The following REPS1 variants were observed in gnomAD, a reference collection of about 807,000 sequenced individuals.
REPS1 encodes the protein ralBP1-associated Eps domain-containing protein 1.
REPS1 carries 39 observed loss-of-function variants against 100.9 expected under a neutral mutation model. That is an observed-to-expected ratio of 0.39 (90% CI 0.30 to 0.50). The LOEUF is 0.50. Among genes scored for constraint, REPS1 ranks in the 20% least tolerant of loss-of-function variants. The probability of loss-of-function intolerance (pLI) is 0.86; values close to 1 mark genes in which losing one functional copy is unlikely to be tolerated. For missense variants in REPS1, 821 were observed against 968.5 expected (o/e 0.85, Z 2.02); for synonymous variants, 324 against 340.3 (o/e 0.95, Z 0.53).
In REPS1 at chr6:138,963,135, A is replaced by C. The variant is rs9389637; in HGVS notation, c.154-15222T>G. ...AATAACTAACTAACTAACTAACTAA[A>C]TAAATAAATAAATAATAAAATTACA... On this transcript the variant is annotated intron_variant, in intron 1 of 19. Transcript: ENST00000450536. Among the ~76,000 whole-genome samples, 395 of 45,204 alleles carry C rather than the reference A, an allele frequency of 8.7e-3. 1 individual carries two copies. The highest frequency in any genetic ancestry group is 0.023 in the Admixed American group (115 of 5,076). 29.7% of individuals were successfully genotyped at this position (45,204 alleles called of 152,430 possible).
At chr6:138,964,419 A>C (rs1042638548) in intron 1 of REPS1, among the ~76,000 whole-genome samples, 4 of 152,160 alleles carry the variant, frequency 2.6e-5, no homozygotes, top group Non-Finnish European at 4.4e-5. Context: ...AGAAATATAT[A>C]AAATTCATCA....
chr6:138,916,453 T>G (rs545038574), intron 13 of REPS1, among the ~76,000 whole-genome samples: 2 of 152,176 alleles, frequency 1.3e-5, no homozygotes, highest in South Asian at 4.1e-4. Context: ...ACTCCTGACT[T>G]CAGGTGATCC....
At chr6:138,916,430 A>C (rs909622156) in intron 13 of REPS1, among the ~76,000 whole-genome samples, 1 of 151,854 alleles carries the variant, frequency 6.6e-6, no homozygotes, top group African/African-American at 2.4e-5. Context: ...CATGTTGGCC[A>C]GGCTGGTCTC....
Position 138,947,896 on chromosome 6 carries a change from A to G in REPS1, c.171T>C (p.Gly57=), listed in dbSNP as rs1237519091. 3.1e-6 allele frequency: 5 copies of G among 1,604,186 alleles called. No individual in the cohort carries two copies. Among genetic ancestry groups the G allele is most frequent in the Non-Finnish European group, 4.2e-6 (5 of 1,177,106 alleles). ...TTCCAAAATAACCAAGTCTTGTTGC[A>G]CCACAAAGCTCCATGATCTATAAAA... ...DVVLQIMELC[G]ATRLGYFGRS... Residue 57 remains glycine, a synonymous_variant, in exon 2 of 20, where the codon GGT becomes GGC. Transcript: ENST00000450536.
At chr6:138,905,920 AACTT>A (rs1333868231) in intron 19 of REPS1, among the ~76,000 whole-genome samples, 1 of 152,228 alleles carries the variant, frequency 6.6e-6, no homozygotes, top group Non-Finnish European at 1.5e-5. Context: ...ACCATATTCT[AACTT>A]ACTTACTTTC....
rs577775703 is a variant in REPS1 at position 138,988,153 on chromosome 6, G to A, written c.-471C>T. On this transcript the variant is annotated 5_prime_UTR_variant, in exon 1 of 20. Coordinates refer to ENST00000450536, the MANE Select transcript of REPS1 (RefSeq NM_001286611.2). ...AAAGTTGTGGGGCTTCGAACCTAAA[G>A]TTTCGGGGGATCTGGGCTGAGCGTG... is the stretch of plus-strand genomic sequence containing the variant. 6.3e-5 allele frequency: 25 copies of A among 398,288 alleles called. No homozygotes were observed. Among genetic ancestry groups the A allele is most frequent in the African/African-American group, 4.7e-4 (23 of 48,688 alleles). The allele number at this position is 398,288 out of a possible 1,614,324, so 24.7% of individuals were successfully genotyped here.
intron 8 of REPS1, among the ~76,000 whole-genome samples, chr6:138,939,549 A>C (rs1782093823): frequency 6.6e-6 from 1 of 152,252 alleles, no homozygotes; most frequent in East Asian, 1.9e-4. Flanking sequence ...AACAGACGAC[A>C]GAATCAGACA....
chr6:138,923,544 A>G (rs1401017163), intron 10 of REPS1, among the ~76,000 whole-genome samples: 5 of 152,224 alleles, frequency 3.3e-5, no homozygotes, highest in Admixed American at 1.3e-4. Context: ...CACAGCAAAG[A>G]CTAACGCATT....
intron 8 of REPS1, among the ~76,000 whole-genome samples, chr6:138,939,778 T>G (rs1378365792): frequency 6.6e-6 from 1 of 152,200 alleles, no homozygotes; most frequent in Non-Finnish European, 1.5e-5. Context: ...ATTTCTTAAG[T>G]AGGTAAATTA....
chr6:138,905,201 T>C, intron 19 of REPS1, 69 bp from the exon 20 acceptor site: 1 of 944,928 alleles, frequency 1.1e-6, no homozygotes. Flanking sequence ...TAACAACAGC[T>C]CTGCTTCAAG....
rs142629264 is a variant in REPS1 at position 138,931,121 on chromosome 6, T to C, written c.1136-1023A>G. Among the ~76,000 whole-genome samples, 394 of 152,290 alleles carry C rather than the reference T, an allele frequency of 2.6e-3. 1 individual carries two copies. The highest frequency in any genetic ancestry group is 8.9e-3 in the African/African-American group (371 of 41,570). ...ATTACAATATCATTGTGTCTGACCA[T>C]GGGCAAGTTGAATGAAACAGCACCT... On this transcript the variant is annotated intron_variant, in intron 8 of 19. Transcript: ENST00000450536.
At position 138,903,562 on chromosome 6, in the gene REPS1, CAT is replaced by C. The variant is rs1746244050; in HGVS notation, c.*1500_*1501del. On this transcript the variant is annotated 3_prime_UTR_variant, in exon 20 of 20. Coordinates refer to ENST00000450536, the MANE Select transcript of REPS1 (RefSeq NM_001286611.2). ...AAGAAGCTTTAACAAATATTTTTGA[CAT>C]TGTTAAATTAGAAGGCTATTTTTAA... 1 of 151,966 alleles carries C rather than the reference CAT, an allele frequency of 6.6e-6. No individual in the cohort carries two copies. Among genetic ancestry groups the C allele is most frequent in the South Asian group, 2.1e-4 (1 of 4,812 alleles). 9.4% of individuals were successfully genotyped at this position (151,966 alleles called of 1,614,324 possible).
In REPS1 at chr6:138,956,346, C is replaced by T. The variant is rs528367272; in HGVS notation, c.154-8433G>A. On this transcript the variant is annotated intron_variant, in intron 1 of 19. Coordinates refer to ENST00000450536, the MANE Select transcript of REPS1 (RefSeq NM_001286611.2). ...CATGGAGAAGAAACAATTTGCCCAACAAAATCCAGAGACTCACCCAGAAAT... is the reference window on the plus strand; with the variant it reads ...CATGGAGAAGAAACAATTTGCCCAATAAAATCCAGAGACTCACCCAGAAAT... Among the ~76,000 whole-genome samples the T allele has an allele frequency of 3.3e-5, 5 of 152,098 alleles. No homozygotes were observed. The South Asian group carries it at 1.0e-3, about 32-fold the overall frequency.
In REPS1 at chr6:138,961,555, C is replaced by T. The variant is rs564915664; in HGVS notation, c.154-13642G>A. Among the ~76,000 whole-genome samples, 21 of 152,322 alleles carry T rather than the reference C, an allele frequency of 1.4e-4. No homozygotes were observed. The South Asian group carries it at 4.1e-3, about 30-fold the overall frequency. On this transcript the variant is annotated intron_variant, in intron 1 of 19. Transcript: ENST00000450536. Reference sequence around the variant, plus strand: ...TAAGTGAAACTGCTTGGCAGTCCAGCATACAATATTAGCACAGTCTGGTGC... The same window carrying T: ...TAAGTGAAACTGCTTGGCAGTCCAGTATACAATATTAGCACAGTCTGGTGC...
chr6:138,957,977 C>T (rs1393184590), intron 1 of REPS1, among the ~76,000 whole-genome samples: 4 of 151,902 alleles, frequency 2.6e-5, no homozygotes, highest in African/African-American at 7.3e-5. Flanking sequence ...ACTAAGAAAC[C>T]GAGTGGGAGA....
Position 138,905,054 on chromosome 6 carries a change from G to A in REPS1, c.*10C>T, listed in dbSNP as rs758158391. 115 of 1,613,388 alleles carry A rather than the reference G, an allele frequency of 7.1e-5. No homozygotes were observed. The East Asian group carries it at 2.3e-3, about 32-fold the overall frequency. On this transcript the variant is annotated 3_prime_UTR_variant, in exon 20 of 20. Transcript: ENST00000450536. The stretch of plus-strand genomic sequence containing the variant: ...AAAAACAAGTATGTTCACAGTTAAC[G>A]GCAATTGGCTTATAGGTGAGAGAAT...
intron 9 of REPS1, 113 bp downstream of exon 9, chr6:138,929,864 G>T (rs1781376636): frequency 1.0e-6 from 1 of 1,004,268 alleles, no homozygotes; most frequent in Admixed American, 2.1e-5. Context: ...TATCTGATAT[G>T]TTCTCTCAAT....
intron 8 of REPS1, among the ~76,000 whole-genome samples, chr6:138,941,110 G>A (rs1582785751): frequency 6.6e-6 from 1 of 151,968 alleles, no homozygotes; most frequent in Admixed American, 6.5e-5. Context: ...CAAATACAAA[G>A]GTAAAATAGT....
intron 1 of REPS1, among the ~76,000 whole-genome samples, chr6:138,975,468 T>A (rs1485957079): frequency 6.6e-6 from 1 of 152,202 alleles, no homozygotes; most frequent in Non-Finnish European, 1.5e-5. Context: ...TTTTCTGTAG[T>A]ATTAAAGCCA....
Sources: allele counts gnomAD v4.1 joint callset (sites outside exome capture counted in the v4.1 genomes callset), GRCh38; gene constraint gnomAD v4.1.1; transcripts MANE v1.5; gene names NCBI Gene and HGNC (gene_info 2026-07-23, HGNC 2026-07-21).